FAAH2: variants seen among roughly 807,000 people sequenced by gnomAD.
The protein encoded by FAAH2 is fatty acid amide hydrolase 2, also known as fatty-acid amide hydrolase 2.
A neutral mutation model predicts 36.9 loss-of-function variants in FAAH2; 60 were observed. That is an observed-to-expected ratio of 1.63 (90% CI 1.32 to 2.02). The LOEUF (loss-of-function observed/expected upper bound fraction) is 2.02, where lower values mean the gene tolerates loss of function less well. Among genes scored for constraint, FAAH2 ranks in the 30% most tolerant of loss-of-function variants. The probability of loss-of-function intolerance (pLI) is 0.00; values close to 1 mark genes in which losing one functional copy is unlikely to be tolerated. For synonymous variants in FAAH2, 214 were observed against 143.8 expected (o/e 1.49, Z -3.49); for missense variants, 689 against 397.5 (o/e 1.73, Z -6.23).
chrX:57,229,175 C>T, the FAAH2 span: 1 of 112,142 alleles, frequency 8.9e-6, no homozygotes, highest in African/African-American at 3.2e-5. Context: ...GGTTAAGAGA[C>T]AGTGTTGACA....
intron 2 of FAAH2, among the ~76,000 whole-genome samples, chrX:57,295,492 G>A (rs983090149): frequency 1.9e-4 from 21 of 111,881 alleles, no homozygotes; most frequent in African/African-American, 3.6e-4. Context: ...CAAGATGGCC[G>A]AATAGGAACA....
At chrX:57,129,006 G>C in the FAAH2 span, among the ~76,000 whole-genome samples, 1 of 112,145 alleles carries the variant, frequency 8.9e-6, no homozygotes, top group Non-Finnish European at 1.9e-5. Context: ...GTTATGAAAA[G>C]TTATGAAAAG....
the FAAH2 span, among the ~76,000 whole-genome samples, chrX:57,216,031 T>C: frequency 1.8e-5 from 2 of 108,361 alleles, no homozygotes. Context: ...CGCGTATGTG[T>C]GTGTGTAGTG....
In FAAH2 at chrX:57,443,561, C is replaced by T. The variant is rs769380856; in HGVS notation, c.1117-3367C>T. Among the ~76,000 whole-genome samples the T allele has an allele frequency of 1.3e-4, 15 of 111,829 alleles. No individual in the cohort carries two copies. In the South Asian group the frequency reaches 5.6e-3, roughly 42 times the overall value. On this transcript the variant is annotated intron_variant, in intron 8 of 10. Transcript: ENST00000374900. ...CTTTGTGACGCGTTCGAAGATCCTC[C>T]TTTAGCTTGGAGAAGTTTGTTATTG...
chrX:57,298,726 A>G (rs1342025287), intron 2 of FAAH2, among the ~76,000 whole-genome samples: 1 of 69,234 alleles, frequency 1.4e-5, no homozygotes, highest in African/African-American at 5.5e-5. Flanking sequence ...AATAAAGAAG[A>G]AAAAAGAGAA....
At chrX:57,202,666 C>A in the FAAH2 span, among the ~76,000 whole-genome samples, 1 of 111,769 alleles carries the variant, frequency 8.9e-6, no homozygotes, top group African/African-American at 3.3e-5. Flanking sequence ...TTAAGGCCCA[C>A]AGGCTCTACA....
chrX:57,256,756 G>A, the FAAH2 span, among the ~76,000 whole-genome samples: 1 of 112,002 alleles, frequency 8.9e-6, no homozygotes, highest in South Asian at 3.8e-4. Context: ...GAGTGAACAG[G>A]CAACCTACAG....
intron 10 of FAAH2, among the ~76,000 whole-genome samples, chrX:57,453,030 C>T (rs2056811991): frequency 8.9e-6 from 1 of 111,864 alleles, no homozygotes; most frequent in Non-Finnish European, 1.9e-5. Flanking sequence ...GAGAATACTG[C>T]TACATCCAAC....
chrX:57,447,221 G>A (rs994332150), intron 9 of FAAH2, among the ~76,000 whole-genome samples, 182 bp downstream of exon 9: 21 of 112,041 alleles, frequency 1.9e-4, no homozygotes, highest in Non-Finnish European at 5.6e-5. Flanking sequence ...GCTGATGCAA[G>A]AGGTGGGTTC....
At chrX:57,318,350 C>G (rs974874805) in intron 3 of FAAH2, among the ~76,000 whole-genome samples, 2 of 111,921 alleles carry the variant, frequency 1.8e-5, no homozygotes, top group Non-Finnish European at 3.8e-5. Context: ...ACTGATCCCA[C>G]AGAAATACAA....
chrX:57,364,655 T>C (rs1244269718), intron 5 of FAAH2, among the ~76,000 whole-genome samples: 1 of 110,153 alleles, frequency 9.1e-6, no homozygotes, highest in African/African-American at 3.3e-5. Flanking sequence ...AGGGTATTAA[T>C]TTGAGATTTT....
At chrX:57,325,378 A>G (rs192393159) in intron 3 of FAAH2, among the ~76,000 whole-genome samples, 1 of 111,000 alleles carries the variant, frequency 9.0e-6, no homozygotes, top group South Asian at 3.8e-4. Context: ...AGGATTCCCT[A>G]TTTTTCTATT....
At chrX:57,415,744 C>G (rs912516684) in intron 7 of FAAH2, among the ~76,000 whole-genome samples, 1 of 111,194 alleles carries the variant, frequency 9.0e-6, no homozygotes, top group African/African-American at 3.3e-5. Context: ...GTTAGGTTCA[C>G]TTGGTCTAGA....
At chrX:57,223,130 T>C in the FAAH2 span, among the ~76,000 whole-genome samples, 3 of 112,346 alleles carry the variant, frequency 2.7e-5, no homozygotes, top group Non-Finnish European at 3.8e-5. Context: ...ACTCCTGCCA[T>C]AAATGGCTCT....
chrX:57,389,390 C>T (rs2055109736), intron 7 of FAAH2, among the ~76,000 whole-genome samples: 1 of 106,681 alleles, frequency 9.4e-6, no homozygotes, highest in Admixed American at 1.0e-4. Context: ...TTACCCCACC[C>T]CAATTCCTGG....
chrX:57,159,835 T>A, the FAAH2 span, among the ~76,000 whole-genome samples: 1 of 111,473 alleles, frequency 9.0e-6, no homozygotes, highest in Non-Finnish European at 1.9e-5. Flanking sequence ...TTTATTTCCT[T>A]CTCCTGCCTC....
At chrX:57,300,300 C>T (rs1301910974) in intron 2 of FAAH2, among the ~76,000 whole-genome samples, 6 of 111,254 alleles carry the variant, frequency 5.4e-5, no homozygotes, top group African/African-American at 9.8e-5. Context: ...AGAAACAATG[C>T]CGCATATCTA....
chrX:57,218,839 T>C, the FAAH2 span, among the ~76,000 whole-genome samples: 4 of 111,988 alleles, frequency 3.6e-5, no homozygotes, highest in South Asian at 7.5e-4. Flanking sequence ...TGGACTTTTT[T>C]TATGTTGGTA....
intron 5 of FAAH2, among the ~76,000 whole-genome samples, chrX:57,374,199 T>C (rs550541915): frequency 9.0e-6 from 1 of 111,721 alleles, no homozygotes; most frequent in South Asian, 3.7e-4. Flanking sequence ...GCTATGCAGA[T>C]ACTTTTTGGG....
Sources: allele counts gnomAD v4.1 joint callset (sites outside exome capture counted in the v4.1 genomes callset), GRCh38; gene constraint gnomAD v4.1.1; transcripts MANE v1.5; gene names NCBI Gene and HGNC (gene_info 2026-07-23, HGNC 2026-07-21).